Variants in NRXN1 observed in about 807,000 individuals in gnomAD.
NRXN1 encodes the protein neurexin-1.
A neutral mutation model predicts 150.9 loss-of-function variants in NRXN1; 39 were observed. The ratio of observed to expected loss-of-function variants is 0.26; its 90% CI spans 0.20 to 0.34. The LOEUF is 0.34. Ranked by LOEUF, NRXN1 falls within the 10% of genes least tolerant of loss-of-function variation. The pLI is 1.00. For missense variants in NRXN1, 1,815 were observed against 1,949.9 expected (o/e 0.93, Z 1.30); for synonymous variants, 924 against 757.0 (o/e 1.22, Z -3.62).
chr2:50,654,694 G>A (rs1003408590), intron 5 of NRXN1, among the ~76,000 whole-genome samples: 3 of 152,016 alleles, frequency 2.0e-5, no homozygotes, highest in Admixed American at 1.3e-4. Flanking sequence ...AGCACCTGTT[G>A]TTTCTTGACT....
At chr2:50,493,602 G>T (rs2091390778) in intron 15 of NRXN1, among the ~76,000 whole-genome samples, 1 of 152,166 alleles carries the variant, frequency 6.6e-6, no homozygotes. Context: ...GTGATGATGG[G>T]AGACAAGACA....
intron 5 of NRXN1, among the ~76,000 whole-genome samples, chr2:50,653,810 C>A (rs139308889): frequency 1.3e-3 from 191 of 152,014 alleles, no homozygotes; most frequent in African/African-American, 4.5e-3. Context: ...GTGTAGGATT[C>A]ACTAAGCTGC....
At chr2:50,928,397 T>A (rs1162000171) in intron 2 of NRXN1, among the ~76,000 whole-genome samples, 1 of 151,976 alleles carries the variant, frequency 6.6e-6, no homozygotes, top group Non-Finnish European at 1.5e-5. Context: ...TATTCTGGTA[T>A]CCATTTGCTA....
In NRXN1 at chr2:50,299,493, C is replaced by T. The variant is rs1017848571; in HGVS notation, c.3365-62523G>A. On this transcript the variant is annotated intron_variant, in intron 17 of 22. Transcript: ENST00000401669. ...CTGAAGAATTGATGTATTTTACACTCTTAGATAATAAAAGTTTAGTAAGTC... is the reference window on the plus strand; with the variant it reads ...CTGAAGAATTGATGTATTTTACACTTTTAGATAATAAAAGTTTAGTAAGTC... Among the ~76,000 whole-genome samples the T allele has an allele frequency of 2.0e-5, 3 of 151,120 alleles. No individual in the cohort carries two copies. The South Asian group carries it at 6.3e-4, about 32-fold the overall frequency.
chr2:50,496,450 A>C (rs1272194420), intron 14 of NRXN1, among the ~76,000 whole-genome samples: 1 of 152,082 alleles, frequency 6.6e-6, no homozygotes, highest in Non-Finnish European at 1.5e-5. Flanking sequence ...TCGTTCTTGC[A>C]CTTGCTTTTC....
intron 17 of NRXN1, among the ~76,000 whole-genome samples, chr2:50,300,976 A>T (rs1486374604): frequency 1.3e-5 from 2 of 152,150 alleles, no homozygotes; most frequent in Non-Finnish European, 2.9e-5. Context: ...GATTACAAGC[A>T]TGAGCCACCA....
intron 5 of NRXN1, among the ~76,000 whole-genome samples, chr2:50,751,866 C>T (rs1700632272): frequency 6.6e-6 from 1 of 151,870 alleles, no homozygotes; most frequent in Non-Finnish European, 1.5e-5. Flanking sequence ...AAGAGAAGGG[C>T]CCAGGTCTCC....
At chr2:49,986,490 G>C (rs1680932383) in intron 21 of NRXN1, among the ~76,000 whole-genome samples, 1 of 152,014 alleles carries the variant, frequency 6.6e-6, no homozygotes, top group African/African-American at 2.4e-5. Context: ...GAAGACTGGG[G>C]CTCATATTTG....
intron 5 of NRXN1, among the ~76,000 whole-genome samples, chr2:50,762,187 C>T (rs1365190995): frequency 1.3e-5 from 2 of 151,328 alleles, no homozygotes; most frequent in Admixed American, 1.3e-4. Context: ...TTAGAGAACC[C>T]TAATACAACA....
At chr2:50,207,018 A>T (rs1312628021) in intron 18 of NRXN1, among the ~76,000 whole-genome samples, 5 of 152,038 alleles carry the variant, frequency 3.3e-5, no homozygotes, top group Admixed American at 2.6e-4. Flanking sequence ...GGTTAAAAAC[A>T]GCTGCTCTTC....
chr2:50,460,367 C>A (rs1415561850), intron 17 of NRXN1, among the ~76,000 whole-genome samples: 2 of 152,104 alleles, frequency 1.3e-5, no homozygotes, highest in East Asian at 3.9e-4. Flanking sequence ...AATTCACAGA[C>A]TAAAAGGCTG....
intron 17 of NRXN1, among the ~76,000 whole-genome samples, chr2:50,286,905 T>C (rs2152939017): frequency 6.6e-6 from 1 of 152,252 alleles, no homozygotes; most frequent in East Asian, 1.9e-4. Context: ...AATAATACCA[T>C]TGCTGCTGCT....
At chr2:50,701,004 G>A (rs2104960196) in intron 5 of NRXN1, among the ~76,000 whole-genome samples, 1 of 152,072 alleles carries the variant, frequency 6.6e-6, no homozygotes, top group East Asian at 1.9e-4. Context: ...ATTGTCCGAA[G>A]GGTGCTTCTT....
intron 5 of NRXN1, among the ~76,000 whole-genome samples, chr2:50,872,852 T>C (rs370648132): frequency 2.3e-4 from 35 of 151,820 alleles, no homozygotes; most frequent in African/African-American, 8.4e-4. Flanking sequence ...CCTGTAGTCC[T>C]AGCTACATGT....
In NRXN1 at chr2:50,054,934, G is replaced by A. The variant is rs200356837; in HGVS notation, c.3808+21C>T. 7 of 1,466,166 alleles carry A rather than the reference G, an allele frequency of 4.8e-6. No individual in the cohort carries two copies. The South Asian group carries it at 5.4e-5, about 11-fold the overall frequency. 90.8% of individuals were successfully genotyped at this position (1,466,166 alleles called of 1,614,324 possible). A position where few individuals can be genotyped will look rare whatever the true frequency, so the allele number is the denominator to read the frequency against. On this transcript the variant is annotated intron_variant, in intron 20 of 22. Transcript: ENST00000401669. Reference sequence around the variant, plus strand: ...TGTTCAAATTATTTTTTTATTTGAAGTTTTAATCAATGTTTTTTACCTTTG... The same window carrying A: ...TGTTCAAATTATTTTTTTATTTGAAATTTTAATCAATGTTTTTTACCTTTG...
At chr2:50,378,875 C>T (rs148824551) in intron 17 of NRXN1, among the ~76,000 whole-genome samples, 32 of 152,248 alleles carry the variant, frequency 2.1e-4, no homozygotes, top group Non-Finnish European at 4.3e-4. Flanking sequence ...AATCTGACTT[C>T]ACACACATAT....
chr2:50,466,526 A>T lies in NRXN1; in HGVS notation c.3245-965T>A, dbSNP rs548751964. 122 of 461,134 alleles carry T rather than the reference A, an allele frequency of 2.6e-4. 2 individuals carry two copies. The highest frequency in any genetic ancestry group is 1.9e-3 in the South Asian group (121 of 64,264). 28.6% of individuals were successfully genotyped at this position (461,134 alleles called of 1,614,324 possible). A position where few individuals can be genotyped will look rare whatever the true frequency, so the allele number is the denominator to read the frequency against. On this transcript the variant is annotated intron_variant, in intron 16 of 22. Transcript: ENST00000401669. ...ATAAAAAAAAAAGCAAAATATATTAAATGTTAGTAAGCAATACTGAAATGG... is the reference window on the plus strand; with the variant it reads ...ATAAAAAAAAAAGCAAAATATATTATATGTTAGTAAGCAATACTGAAATGG...
At chr2:50,856,808 A>G (rs912749773) in intron 5 of NRXN1, among the ~76,000 whole-genome samples, 4 of 152,106 alleles carry the variant, frequency 2.6e-5, no homozygotes, top group African/African-American at 9.7e-5. Context: ...ATGGTTTACA[A>G]GTTGTCTTCC....
intron 8 of NRXN1, among the ~76,000 whole-genome samples, chr2:50,585,515 T>C (rs1002365497): frequency 6.6e-6 from 1 of 152,216 alleles, no homozygotes; most frequent in African/African-American, 2.4e-5. Flanking sequence ...TAGTAAATTT[T>C]ATGTAATTTG....
Sources: allele counts gnomAD v4.1 joint callset (sites outside exome capture counted in the v4.1 genomes callset), GRCh38; gene constraint gnomAD v4.1.1; transcripts MANE v1.5; gene names NCBI Gene and HGNC (gene_info 2026-07-23, HGNC 2026-07-21).